The following KIF16B variants were observed in gnomAD, a reference collection of about 807,000 sequenced individuals.
KIF16B encodes the protein kinesin family member 16B.
KIF16B carries 98 observed loss-of-function variants against 156.3 expected under a neutral mutation model. The observed-to-expected ratio is 0.63, with a 90% CI of 0.53 to 0.74. The LOEUF (loss-of-function observed/expected upper bound fraction) is 0.74, where lower values mean the gene tolerates loss of function less well. Among genes scored for constraint, KIF16B ranks in the 30% least tolerant of loss-of-function variants. The pLI, the probability that KIF16B is intolerant of heterozygous loss-of-function variation, is 0.00. For synonymous variants in KIF16B, 564 were observed against 583.7 expected (o/e 0.97, Z 0.49); for missense variants, 1,421 against 1,606.5 (o/e 0.88, Z 1.97).
At chr20:16,472,861 G>A (rs187551802) in intron 12 of KIF16B, among the ~76,000 whole-genome samples, 59 of 152,180 alleles carry the variant, frequency 3.9e-4, no homozygotes, top group South Asian at 1.5e-3. Context: ...AGAGCATACC[G>A]TTTGTTTTGA....
At chr20:16,512,595 A>G (rs1294927485) in intron 5 of KIF16B, among the ~76,000 whole-genome samples, 2 of 152,216 alleles carry the variant, frequency 1.3e-5, no homozygotes, top group Non-Finnish European at 2.9e-5. Context: ...TTTCTGCCCA[A>G]GCTGTTATTT....
chr20:16,527,821 A>G (rs2069603706), intron 2 of KIF16B, among the ~76,000 whole-genome samples: 1 of 152,140 alleles, frequency 6.6e-6, no homozygotes, highest in South Asian at 2.1e-4. Flanking sequence ...AAATTTCCTA[A>G]CCAAATAAAC....
At chr20:16,465,457 C>T (rs921091528) in intron 12 of KIF16B, among the ~76,000 whole-genome samples, 7 of 152,178 alleles carry the variant, frequency 4.6e-5, no homozygotes, top group African/African-American at 1.2e-4. Context: ...CCATGTGCAG[C>T]GATTTCAATG....
chr20:16,404,845 C>G lies in KIF16B; in HGVS notation c.1752G>C (p.Glu584Asp), dbSNP rs1335718402. Residue 584 changes from glutamate (E) to aspartate (D), a missense_variant, in exon 17 of 26, where the codon GAG (glutamate) becomes GAC (aspartate). Coordinates refer to ENST00000354981, the MANE Select transcript of KIF16B (RefSeq NM_024704.5). ...LSMTDLSKSR[E>D]NLSAVMLYNP... ...TATACAACATGACTGCAGACAGGTT[C>G]TCACGGGACTTCGAGAGGTCGGTCA... The G allele has an allele frequency of 6.2e-7, 1 of 1,613,526 alleles. No homozygotes were observed. The highest frequency in any genetic ancestry group is 1.7e-5 in the Admixed American group (1 of 59,964).
At chr20:16,320,696 C>T (rs1447639482) in intron 24 of KIF16B, among the ~76,000 whole-genome samples, 1 of 152,130 alleles carries the variant, frequency 6.6e-6, no homozygotes, top group Non-Finnish European at 1.5e-5. Context: ...GTGCATCTTT[C>T]AAAAACATAC....
At chr20:16,316,706 C>CT (rs34769584) in intron 24 of KIF16B, among the ~76,000 whole-genome samples, 1 of 152,016 alleles carries the variant, frequency 6.6e-6, no homozygotes, top group Non-Finnish European at 1.5e-5. Flanking sequence ...GAGGGCTGGA[C>CT]TTTTTTTTCT....
intron 9 of KIF16B, among the ~76,000 whole-genome samples, 162 bp from the exon 10 acceptor site, chr20:16,504,709 G>A (rs73101031): frequency 0.06 from 9,190 of 152,152 alleles, 380 homozygotes; most frequent in Non-Finnish European, 0.093. Flanking sequence ...ACATTTCTAG[G>A]AAAGAGTGTT....
At chr20:16,423,663 T>A (rs1014671076) in intron 15 of KIF16B, among the ~76,000 whole-genome samples, 2 of 152,086 alleles carry the variant, frequency 1.3e-5, no homozygotes, top group African/African-American at 4.8e-5. Flanking sequence ...AGTACATGGA[T>A]CTCTACTGTG....
chr20:16,456,729 C>G (rs1050653898), intron 12 of KIF16B, among the ~76,000 whole-genome samples: 5 of 152,128 alleles, frequency 3.3e-5, no homozygotes, highest in African/African-American at 1.2e-4. Flanking sequence ...GGTACTCCCC[C>G]ACTCTCCCTC....
At chr20:16,377,190 C>T (rs2064972697) in intron 19 of KIF16B, among the ~76,000 whole-genome samples, 1 of 151,990 alleles carries the variant, frequency 6.6e-6, no homozygotes, top group South Asian at 2.1e-4. Flanking sequence ...GTTGAAGCCC[C>T]CTTAGGAGGT....
In KIF16B at chr20:16,514,667, G is replaced by T. The variant is rs182966890; in HGVS notation, c.348+881C>A. ...GCACTTTGGGAGGCCGAGGCAGGCG[G>T]GTCATCTAAGGTCAGAAGTTCGAGA... On this transcript the variant is annotated intron_variant, in intron 4 of 25. Transcript: ENST00000354981. Among the ~76,000 whole-genome samples the T allele has an allele frequency of 2.0e-5, 3 of 150,828 alleles. No homozygotes were observed. The East Asian group carries it at 5.8e-4, about 29-fold the overall frequency.
intron 12 of KIF16B, among the ~76,000 whole-genome samples, chr20:16,432,794 G>A (rs1446702922): frequency 6.6e-6 from 1 of 152,140 alleles, no homozygotes; most frequent in Non-Finnish European, 1.5e-5. Flanking sequence ...CAATGTGAAA[G>A]AAAGCAATTT....
At chr20:16,349,107 C>T (rs2064287696) in intron 23 of KIF16B, among the ~76,000 whole-genome samples, 1 of 152,236 alleles carries the variant, frequency 6.6e-6, no homozygotes, top group Non-Finnish European at 1.5e-5. Context: ...AGAAGGTGCA[C>T]TGGCTCTGGG....
At chr20:16,388,658 C>A (rs2065283647) in intron 17 of KIF16B, among the ~76,000 whole-genome samples, 1 of 151,300 alleles carries the variant, frequency 6.6e-6, no homozygotes, top group South Asian at 2.1e-4. Context: ...ATAGCCTTTT[C>A]TTTTACATTA....
chr20:16,539,657 T>C (rs561956478), intron 1 of KIF16B, among the ~76,000 whole-genome samples: 2 of 152,350 alleles, frequency 1.3e-5, no homozygotes, highest in Admixed American at 1.3e-4. Context: ...CAGATGCTGC[T>C]ATGCTTCCTG....
intron 15 of KIF16B, among the ~76,000 whole-genome samples, chr20:16,412,567 G>A (rs764787878): frequency 6.6e-6 from 1 of 152,150 alleles, no homozygotes; most frequent in Non-Finnish European, 1.5e-5. Context: ...GGAAGGGGAA[G>A]CAAACATGTC....
chr20:16,508,019 G>A lies in KIF16B; in HGVS notation c.638C>T (p.Ala213Val), dbSNP rs200593376. ...GCTACTGACGTCGTTCATCCCAGTC[G>A]CTGCGGTGGTCCGGTTGATATTGCC... ...DAGNINRTTA[A>V]TGMNDVSSRS... The change falls in exon 7 of 26, where the codon GCG becomes GTG. Residue 213 changes from alanine to valine, a missense_variant. Coordinates refer to ENST00000354981, the MANE Select transcript of KIF16B (RefSeq NM_024704.5). 67 of 1,614,014 alleles carry A rather than the reference G, an allele frequency of 4.2e-5. No individual in the cohort carries two copies. The highest frequency in any genetic ancestry group is 2.8e-5 in the Non-Finnish European group (33 of 1,180,004).
intron 23 of KIF16B, among the ~76,000 whole-genome samples, chr20:16,355,462 A>C (rs2064420326): frequency 6.6e-6 from 1 of 152,190 alleles, no homozygotes; most frequent in Non-Finnish European, 1.5e-5. Context: ...TACAGAACTC[A>C]GTGTCCAGAT....
At position 16,273,033 on chromosome 20, in the gene KIF16B, G is replaced by A. The variant is rs1456505440; in HGVS notation, c.*220C>T. The A allele has an allele frequency of 7.5e-6, 4 of 533,896 alleles. No homozygotes were observed. The highest frequency in any genetic ancestry group is 3.2e-5 in the East Asian group (1 of 31,442). 33.1% of individuals were successfully genotyped at this position (533,896 alleles called of 1,614,324 possible). A position where few individuals can be genotyped will look rare whatever the true frequency, so the allele number is the denominator to read the frequency against. On this transcript the variant is annotated 3_prime_UTR_variant, in exon 26 of 26. Transcript: ENST00000354981. ...AGGCCACGTTCAACCGCAATGGAAC[G>A]GTAACGGCTGCCTGTCAGGGCCACA... is the stretch of plus-strand genomic sequence containing the variant.
Sources: gnomAD v4.1 joint callset for allele counts (sites outside exome capture counted in the v4.1 genomes callset) on GRCh38, gnomAD v4.1.1 for gene constraint, MANE v1.5 for transcripts, NCBI Gene and HGNC (gene_info 2026-07-23, HGNC 2026-07-21) for gene names.